The following DLGAP2 variants were observed in gnomAD, a reference collection of about 807,000 sequenced individuals.
DLGAP2 encodes disks large-associated protein 2.
DLGAP2 carries 26 observed loss-of-function variants against 100.3 expected under a neutral mutation model. The ratio of observed to expected loss-of-function variants is 0.26; its 90% CI spans 0.19 to 0.36. DLGAP2 has a LOEUF of 0.36. Ranked by LOEUF, DLGAP2 falls within the 10% of genes least tolerant of loss-of-function variation. DLGAP2 has a pLI of 1.00. For missense variants in DLGAP2, 1,858 were observed against 1,453.2 expected, an observed-to-expected ratio of 1.28 and a Z score of -4.53; for synonymous variants, 886 against 630.1, an observed-to-expected ratio of 1.41 and a Z score of -6.08.
chr8:1,114,665 A>AT (rs141865961), intron 2 of DLGAP2, among the ~76,000 whole-genome samples: 2,209 of 148,986 alleles, frequency 0.015, 55 homozygotes, highest in African/African-American at 0.051. Context: ...AGATTCATTG[A>AT]TTTTTTTCAA....
At chr8:1,546,249 GA>G (rs565004815) in intron 4 of DLGAP2, among the ~76,000 whole-genome samples, 2 of 152,364 alleles carry the variant, frequency 1.3e-5, no homozygotes, top group South Asian at 4.1e-4. Context: ...GAAGTTAAAG[GA>G]TCTCTTTATC....
intron 8 of DLGAP2, among the ~76,000 whole-genome samples, chr8:1,647,895 C>G (rs1798078536): frequency 6.6e-6 from 1 of 152,174 alleles, no homozygotes; most frequent in Non-Finnish European, 1.5e-5. Context: ...TCCCTGCGTC[C>G]TCACATGGTG....
chr8:776,563 T>C (rs1327788292), intron 1 of DLGAP2, among the ~76,000 whole-genome samples: 1 of 152,224 alleles, frequency 6.6e-6, no homozygotes, highest in Non-Finnish European at 1.5e-5. Flanking sequence ...TTTGTTCTCT[T>C]GGTTTCAAAG....
At chr8:1,491,332 C>T (rs917985874) in intron 3 of DLGAP2, among the ~76,000 whole-genome samples, 3 of 152,212 alleles carry the variant, frequency 2.0e-5, no homozygotes, top group African/African-American at 7.2e-5. Flanking sequence ...GGCCGCTGCT[C>T]CTGACCCCGG....
intron 2 of DLGAP2, among the ~76,000 whole-genome samples, chr8:1,005,285 T>G (rs1584965576): frequency 6.6e-6 from 1 of 152,244 alleles, no homozygotes; most frequent in East Asian, 1.9e-4. Flanking sequence ...AGCCTTCCTG[T>G]GACTTCTACT....
chr8:1,131,578 C>A (rs1455625598), intron 2 of DLGAP2, among the ~76,000 whole-genome samples: 1 of 152,148 alleles, frequency 6.6e-6, no homozygotes, highest in Non-Finnish European at 1.5e-5. Flanking sequence ...GAGGTTAGGG[C>A]TTCACCGTGT....
At chr8:1,343,223 A>G (rs923251300) in intron 3 of DLGAP2, among the ~76,000 whole-genome samples, 8 of 152,192 alleles carry the variant, frequency 5.3e-5, no homozygotes, top group African/African-American at 1.9e-4. Flanking sequence ...AAGGGCACCG[A>G]TTAAGTCCGC....
At chr8:1,194,989 G>A (rs184563850) in intron 2 of DLGAP2, among the ~76,000 whole-genome samples, 197 of 152,278 alleles carry the variant, frequency 1.3e-3, no homozygotes, top group Non-Finnish European at 2.2e-3. Flanking sequence ...CCGCTCTCCC[G>A]GCCTTCATTC....
chr8:1,131,229 G>A (rs538654006), intron 2 of DLGAP2, among the ~76,000 whole-genome samples: 3 of 152,138 alleles, frequency 2.0e-5, no homozygotes, highest in South Asian at 2.1e-4. Flanking sequence ...CAGGGGTGCC[G>A]GGCACGTGCC....
chr8:1,118,341 G>C (rs765271830), intron 2 of DLGAP2, among the ~76,000 whole-genome samples: 1 of 152,154 alleles, frequency 6.6e-6, no homozygotes. Context: ...AGAAACTTTC[G>C]AAACTGCATT....
chr8:916,847 G>C (rs927699554), intron 2 of DLGAP2, among the ~76,000 whole-genome samples: 6 of 152,142 alleles, frequency 3.9e-5, no homozygotes, highest in African/African-American at 1.4e-4. Context: ...ATTTGGTCTG[G>C]AAGCCTGGAG....
intron 6 of DLGAP2, among the ~76,000 whole-genome samples, chr8:1,605,921 G>C (rs547566501): frequency 8.5e-5 from 13 of 152,350 alleles, no homozygotes; most frequent in African/African-American, 2.6e-4. Flanking sequence ...CTCAGCTCGA[G>C]CTCGTGCTGT....
intron 1 of DLGAP2, among the ~76,000 whole-genome samples, chr8:781,546 A>T (rs1033949684): frequency 1.6e-4 from 25 of 152,328 alleles, no homozygotes; most frequent in Middle Eastern, 3.4e-3. Context: ...CCCTCTCAAA[A>T]GTGGGGTGTT....
intron 1 of DLGAP2, among the ~76,000 whole-genome samples, chr8:839,244 A>G (rs1796937648): frequency 6.6e-6 from 1 of 152,166 alleles, no homozygotes; most frequent in African/African-American, 2.4e-5. Flanking sequence ...CACAAATCCA[A>G]AGGAATTGCA....
intron 2 of DLGAP2, among the ~76,000 whole-genome samples, chr8:1,223,089 T>A (rs1464787792): frequency 2.6e-5 from 4 of 152,030 alleles, no homozygotes; most frequent in Non-Finnish European, 5.9e-5. Flanking sequence ...GGTCATTGAG[T>A]CTCCCATAGG....
At chr8:813,706 G>T (rs890265402) in intron 1 of DLGAP2, among the ~76,000 whole-genome samples, 7 of 152,148 alleles carry the variant, frequency 4.6e-5, no homozygotes, top group African/African-American at 1.4e-4. Context: ...CACAAAAGTG[G>T]GGGCACTTCC....
chr8:1,102,101 A>G lies in DLGAP2; in HGVS notation c.74-156750A>G, dbSNP rs199570613. On this transcript the variant is annotated intron_variant, in intron 2 of 14. Transcript: ENST00000637795. ...AGAAGAACTCATATTATAAAACAACATATGTGATATGACACACATTTTATT... is the reference window on the plus strand; with the variant it reads ...AGAAGAACTCATATTATAAAACAACGTATGTGATATGACACACATTTTATT... Among the ~76,000 whole-genome samples the G allele has an allele frequency of 3.0e-4, 45 of 151,800 alleles. No homozygotes were observed. In the East Asian group the frequency reaches 6.6e-3, roughly 22 times the overall value.
intron 3 of DLGAP2, among the ~76,000 whole-genome samples, chr8:1,309,760 A>C (rs1443656536): frequency 6.6e-6 from 1 of 152,248 alleles, no homozygotes; most frequent in Admixed American, 6.5e-5. Flanking sequence ...ATAAAAGATA[A>C]GTGTACGTCT....
intron 3 of DLGAP2, among the ~76,000 whole-genome samples, chr8:1,291,940 A>G (rs757077253): frequency 2.6e-5 from 4 of 152,202 alleles, no homozygotes; most frequent in Non-Finnish European, 4.4e-5. Context: ...AAGACTCTTA[A>G]TCACACAATC....
Sources: allele counts gnomAD v4.1 joint callset (sites outside exome capture counted in the v4.1 genomes callset), GRCh38; gene constraint gnomAD v4.1.1; transcripts MANE v1.5; gene names NCBI Gene and HGNC (gene_info 2026-07-23, HGNC 2026-07-21).